Variants in KIF7 observed in about 807,000 individuals in gnomAD.
KIF7 encodes kinesin-like protein KIF7.
Under a neutral mutation model 135.7 loss-of-function variants are expected in KIF7, and 104 were observed. That is an observed-to-expected ratio of 0.77 (90% CI 0.65 to 0.90). KIF7 has a LOEUF of 0.90. Ranked by LOEUF, KIF7 falls within the 40% of genes least tolerant of loss-of-function variation. The pLI, the probability that KIF7 is intolerant of heterozygous loss-of-function variation, is 0.00. For missense variants in KIF7, 2,005 were observed against 1,839.1 expected (o/e 1.09, Z -1.65); for synonymous variants, 883 against 809.4 (o/e 1.09, Z -1.54).
At chr15:89,639,136 C>G (rs893980812) in intron 11 of KIF7, among the ~76,000 whole-genome samples, 6 of 151,880 alleles carry the variant, frequency 4.0e-5, no homozygotes, top group African/African-American at 1.5e-4. Context: ...ATACAAAAAT[C>G]AATTCAAGAT....
At chr15:89,625,026 A>G, downstream of KIF7, 1 of 1,614,010 alleles carries the variant, frequency 6.2e-7, no homozygotes, top group African/African-American at 1.3e-5. Context: ...GCCTTCCCAA[A>G]CTTCGAATTA....
chr15:89,636,642 A>G, intron 11 of KIF7, among the ~76,000 whole-genome samples: 1 of 94,468 alleles, frequency 1.1e-5, no homozygotes, highest in African/African-American at 4.6e-5. Context: ...TCCTAAATAT[A>G]CATGCACCCA....
At position 89,630,270 on chromosome 15, in the gene KIF7, A is replaced by G. The variant is rs1319749172; in HGVS notation, c.3318+17T>C. The G allele has an allele frequency of 1.9e-6, 3 of 1,612,814 alleles. No individual in the cohort carries two copies. The highest frequency in any genetic ancestry group is 1.7e-6 in the Non-Finnish European group (2 of 1,179,090). On this transcript the variant is annotated intron_variant, in intron 16 of 18. Coordinates refer to ENST00000394412, the MANE Select transcript of KIF7 (RefSeq NM_198525.3). Reference sequence around the variant, plus strand: ...GCCGCTGAGGAGGAGCTGGGGGGCCATGGGCTGCTGGCCCACCTTGTCAAA... The same window carrying G: ...GCCGCTGAGGAGGAGCTGGGGGGCCGTGGGCTGCTGGCCCACCTTGTCAAA...
intron 7 of KIF7, among the ~76,000 whole-genome samples, 198 bp downstream of exon 7, chr15:89,646,632 C>G (rs972189060): frequency 5.3e-5 from 8 of 152,204 alleles, no homozygotes; most frequent in Non-Finnish European, 1.5e-5. Context: ...CCCGATGGCA[C>G]TGCACCCTTC....
chr15:89,649,644 A>G (rs1389778537), intron 3 of KIF7, 97 bp downstream of exon 3: 5 of 1,341,184 alleles, frequency 3.7e-6, no homozygotes, highest in Admixed American at 2.3e-5. Flanking sequence ...GTTTTCCATG[A>G]GGAGTTGCCA....
chr15:89,647,566 C>A, intron 6 of KIF7, 30 bp downstream of exon 6: 1 of 1,582,656 alleles, frequency 6.3e-7, no homozygotes, highest in Non-Finnish European at 8.7e-7. Context: ...TCTGGGAAGC[C>A]TTCCCCGCAC....
intron 11 of KIF7, among the ~76,000 whole-genome samples, chr15:89,637,257 A>G (rs975164982): frequency 4.2e-5 from 6 of 141,736 alleles, no homozygotes; most frequent in African/African-American, 1.3e-4. Flanking sequence ...CCCTAACATC[A>G]CAACTAAAAG....
Position 89,632,826 on chromosome 15 carries a change from G to A in KIF7, c.2889C>T (p.Ser963=), listed in dbSNP as rs749077709. The change falls in exon 14 of 19, where the codon TCC becomes TCT. Residue 963 remains serine (S), a synonymous_variant. Transcript: ENST00000394412. ...KTGLESKRLR[S]SQALNEDIVR... ...TCTCCTGGCAGGGCCTCACCTGGCT[G>A]GATCTCAGGCGCTTGCTCTCCAGCC... 1.2e-6 allele frequency: 2 copies of A among 1,605,196 alleles called. No individual in the cohort carries two copies. Among genetic ancestry groups the A allele is most frequent in the Admixed American group, 3.3e-5 (2 of 59,884 alleles).
intron 17 of KIF7, 78 bp downstream of exon 17, chr15:89,629,297 G>T: frequency 8.5e-7 from 1 of 1,171,604 alleles, no homozygotes; most frequent in Non-Finnish European, 1.1e-6. Context: ...GGGGAGGGAG[G>T]GGGGTGCAGG....
At chr15:89,649,697 C>T (rs1596079179) in intron 3 of KIF7, 44 bp downstream of exon 3, 5 of 1,539,426 alleles carry the variant, frequency 3.2e-6, no homozygotes, top group Non-Finnish European at 2.6e-6. Flanking sequence ...GGTGAAGCCC[C>T]CCTAAGCCCC....
chr15:89,662,342 T>G, the KIF7 span, among the ~76,000 whole-genome samples: 2 of 151,976 alleles, frequency 1.3e-5, no homozygotes, highest in Middle Eastern at 3.2e-3. Flanking sequence ...ACTAAAAATG[T>G]GAGAATTAGC....
chr15:89,662,069 T>C, the KIF7 span, among the ~76,000 whole-genome samples: 1 of 152,224 alleles, frequency 6.6e-6, no homozygotes, highest in African/African-American at 2.4e-5. Context: ...ATGCATTTTA[T>C]AAATTTTGAT....
At chr15:89,646,081 C>G in intron 7 of KIF7, 55 bp from the exon 8 acceptor site, 2 of 1,605,444 alleles carry the variant, frequency 1.2e-6, no homozygotes, top group Non-Finnish European at 1.7e-6. Flanking sequence ...ATATACCCCA[C>G]CTTGCCTGCC....
chr15:89,649,364 A>G lies in KIF7; in HGVS notation c.533T>C (p.Leu178Pro). 6.9e-7 allele frequency: 1 copy of G among 1,453,186 alleles called. No homozygotes were observed. The highest frequency in any genetic ancestry group is 9.1e-7 in the Non-Finnish European group (1 of 1,100,272). 90.0% of individuals were successfully genotyped at this position (1,453,186 alleles called of 1,614,324 possible). A position where few individuals can be genotyped will look rare whatever the true frequency, so the allele number is the denominator to read the frequency against. ...LREDERGNVV[L>P]CGVKEVDVEG... ...CACGTCGACCTCCTTCACCCCGCACAGCACTGCGGGCACAGAAGGCCGTGA... is the reference window on the plus strand; with the variant it reads ...CACGTCGACCTCCTTCACCCCGCACGGCACTGCGGGCACAGAAGGCCGTGA... The change falls in exon 4 of 19, where the codon CTG (leucine) becomes CCG (proline). Residue 178 changes from leucine (L) to proline (P), a missense_variant. Coordinates refer to ENST00000394412, the MANE Select transcript of KIF7 (RefSeq NM_198525.3).
rs2141995321 is a variant in KIF7, at chr15:89,630,074, A to AC, written c.3318+212_3318+213insG. On this transcript the variant is annotated intron_variant, in intron 16 of 18. Coordinates refer to ENST00000394412, the MANE Select transcript of KIF7 (RefSeq NM_198525.3). ...GCCATGGACCACCCTGAGGTTAGCCAATCAGAGCAGAAGTGGGGGGCGGGT... is the reference window on the plus strand; with the variant it reads ...GCCATGGACCACCCTGAGGTTAGCCACATCAGAGCAGAAGTGGGGGGCGGGT... 6 of 605,698 alleles carry AC rather than the reference A, an allele frequency of 9.9e-6. No individual in the cohort carries two copies. The African/African-American group carries it at 1.1e-4, about 11-fold the overall frequency. 37.5% of individuals were successfully genotyped at this position (605,698 alleles called of 1,614,324 possible).
intron 12 of KIF7, 90 bp downstream of exon 12, chr15:89,633,596 G>T: frequency 7.0e-7 from 1 of 1,420,258 alleles, no homozygotes; most frequent in Non-Finnish European, 9.7e-7. Context: ...GTGGCTGTGG[G>T]TTGCAAACCC....
chr15:89,621,379 T>C, intron 1 of KIF7: 1 of 1,586,288 alleles, frequency 6.3e-7, no homozygotes. Context: ...ATTGTTGCTG[T>C]TTTTGACTTG....
chr15:89,650,148 A>G, intron 2 of KIF7: 1 of 590,536 alleles, frequency 1.7e-6, no homozygotes, highest in Non-Finnish European at 3.0e-6. Flanking sequence ...AAGAGTTGGA[A>G]GCAACCTCTC....
chr15:89,661,238 A>G, the KIF7 span, among the ~76,000 whole-genome samples: 2 of 152,366 alleles, frequency 1.3e-5, no homozygotes, highest in Admixed American at 6.5e-5. Flanking sequence ...GAGTTTTAGA[A>G]TAAAAATCTC....
Sources: gnomAD v4.1 joint callset for allele counts (sites outside exome capture counted in the v4.1 genomes callset) on GRCh38, gnomAD v4.1.1 for gene constraint, MANE v1.5 for transcripts, NCBI Gene and HGNC (gene_info 2026-07-23, HGNC 2026-07-21) for gene names.